Variants in TMEM232 observed in about 807,000 individuals in gnomAD.
TMEM232 encodes the protein transmembrane protein 232.
TMEM232 carries 80 observed loss-of-function variants against 78.8 expected under a neutral mutation model. The observed-to-expected ratio is 1.01, with a 90% CI of 0.85 to 1.22. The LOEUF (loss-of-function observed/expected upper bound fraction) is 1.22. TMEM232 is among the 50% of genes most tolerant of loss of function. The probability of loss-of-function intolerance (pLI) is 0.00; values close to 1 mark genes in which losing one functional copy is unlikely to be tolerated. For missense variants in TMEM232, 881 were observed against 742.2 expected (o/e 1.19, Z -2.17); for synonymous variants, 297 against 254.3 (o/e 1.17, Z -1.60).
At chr5:110,423,686 T>C (rs1756917854) in intron 13 of TMEM232, among the ~76,000 whole-genome samples, 1 of 152,000 alleles carries the variant, frequency 6.6e-6, no homozygotes, top group African/African-American at 2.4e-5. Context: ...AGATGATGGA[T>C]GGTTGTTAGG....
chr5:110,413,787 C>A (rs1756084910), intron 2 of TMEM232, among the ~76,000 whole-genome samples: 1 of 151,972 alleles, frequency 6.6e-6, no homozygotes, highest in South Asian at 2.1e-4. Flanking sequence ...ATTAAGGGAG[C>A]CAAAGGTAAG....
At chr5:110,395,330 C>T (rs560583654) in intron 3 of TMEM232, among the ~76,000 whole-genome samples, 3 of 152,276 alleles carry the variant, frequency 2.0e-5, no homozygotes, top group Non-Finnish European at 4.4e-5. Context: ...TCTGTGTGAA[C>T]AGAAAAGTCT....
At chr5:110,466,201 T>C (rs566865539) in intron 12 of TMEM232, among the ~76,000 whole-genome samples, 64 of 152,284 alleles carry the variant, frequency 4.2e-4, no homozygotes, top group Non-Finnish European at 7.4e-4. Context: ...AAGAAAGTGA[T>C]ATCACCACAG....
At chr5:110,708,093 G>A (rs1220592671) in intron 1 of TMEM232, among the ~76,000 whole-genome samples, 2 of 152,094 alleles carry the variant, frequency 1.3e-5, no homozygotes, top group Admixed American at 6.6e-5. Flanking sequence ...TTGCAGTTAT[G>A]GTGGCTACAG....
intron 11 of TMEM232, among the ~76,000 whole-genome samples, chr5:110,533,299 C>G (rs191916174): frequency 6.6e-6 from 1 of 152,280 alleles, no homozygotes; most frequent in African/African-American, 2.4e-5. Flanking sequence ...AGCACACATG[C>G]TCTCCCTGCT....
At chr5:110,444,176 G>A (rs1052834265) in intron 12 of TMEM232, among the ~76,000 whole-genome samples, 4 of 152,118 alleles carry the variant, frequency 2.6e-5, no homozygotes, top group Admixed American at 2.0e-4. Flanking sequence ...TGTAGTCCTT[G>A]TGTCCTAGAC....
intron 12 of TMEM232, among the ~76,000 whole-genome samples, chr5:110,497,021 T>C (rs1580936379): frequency 6.6e-6 from 1 of 152,016 alleles, no homozygotes; most frequent in African/African-American, 2.4e-5. Flanking sequence ...GACTGATCAA[T>C]AGTAAATCAA....
intron 11 of TMEM232, among the ~76,000 whole-genome samples, chr5:110,535,825 G>T (rs1772265152): frequency 6.6e-6 from 1 of 152,146 alleles, no homozygotes; most frequent in Non-Finnish European, 1.5e-5. Flanking sequence ...GGAGAATAGG[G>T]TCTGGAGAAA....
chr5:110,611,926 G>A (rs1782340020), intron 8 of TMEM232, among the ~76,000 whole-genome samples: 1 of 152,134 alleles, frequency 6.6e-6, no homozygotes, highest in Admixed American at 6.6e-5. Context: ...GAATTGGATG[G>A]AGAAAGTGAG....
At chr5:110,648,116 C>G (rs909992368) in intron 2 of TMEM232, among the ~76,000 whole-genome samples, 5 of 151,824 alleles carry the variant, frequency 3.3e-5, no homozygotes, top group Admixed American at 3.3e-4. Context: ...AAAGGGAAGT[C>G]ACAAAGGAAG....
intron 10 of TMEM232, 72 bp from the exon 11 acceptor site, chr5:110,568,697 G>A: frequency 7.3e-7 from 1 of 1,371,560 alleles, no homozygotes; most frequent in Non-Finnish European, 9.7e-7. Flanking sequence ...GTGTGAAACA[G>A]AATAAACCAA....
intron 1 of TMEM232, among the ~76,000 whole-genome samples, chr5:110,702,271 C>T (rs1006498815): frequency 6.6e-6 from 1 of 151,988 alleles, no homozygotes; most frequent in African/African-American, 2.4e-5. Flanking sequence ...GGGTTCTAAC[C>T]CAAAACCATG....
At chr5:110,618,249 A>G (rs1783190661) in intron 8 of TMEM232, among the ~76,000 whole-genome samples, 180 bp downstream of exon 8, 1 of 152,184 alleles carries the variant, frequency 6.6e-6, no homozygotes, top group Non-Finnish European at 1.5e-5. Flanking sequence ...GAGAGAAACG[A>G]TGTATTGATG....
At chr5:110,673,727 G>C (rs959721448) in intron 1 of TMEM232, among the ~76,000 whole-genome samples, 1 of 152,168 alleles carries the variant, frequency 6.6e-6, no homozygotes, top group Non-Finnish European at 1.5e-5. Flanking sequence ...AGTTTTCGTG[G>C]ATGGAAGCAG....
Position 110,542,849 on chromosome 5 carries a change from T to C in TMEM232, c.1456-14014A>G, listed in dbSNP as rs903046495. On this transcript the variant is annotated intron_variant, in intron 11 of 13. Coordinates refer to ENST00000455884, the MANE Select transcript of TMEM232 (RefSeq NM_001039763.4). ...ATGAAAAATTGAAAGTACCTCTGAT[T>C]TGTCCCCTCCCACAACCAATCAGAC... Among the ~76,000 whole-genome samples, 3 of 152,076 alleles carry C rather than the reference T, an allele frequency of 2.0e-5. No homozygotes were observed. The South Asian group carries it at 6.2e-4, about 32-fold the overall frequency.
chr5:110,724,865 A>G (rs998149824), intron 1 of TMEM232, among the ~76,000 whole-genome samples: 5 of 151,766 alleles, frequency 3.3e-5, no homozygotes, highest in African/African-American at 1.2e-4. Flanking sequence ...TGGTTTCAAC[A>G]AAAAAACTTG....
At chr5:110,458,741 TA>T (rs1761163894) in intron 12 of TMEM232, among the ~76,000 whole-genome samples, 1 of 152,214 alleles carries the variant, frequency 6.6e-6, no homozygotes, top group East Asian at 1.9e-4. Flanking sequence ...TTTTTAAGCT[TA>T]AAAAATATTT....
intron 8 of TMEM232, chr5:110,610,702 G>A: frequency 5.7e-6 from 2 of 351,682 alleles, no homozygotes; most frequent in East Asian, 7.6e-5. Context: ...AAAAACAAGA[G>A]GACTGACGAC....
intron 1 of TMEM232, among the ~76,000 whole-genome samples, chr5:110,700,770 GTAGA>G (rs58050519): frequency 0.076 from 9,937 of 130,878 alleles, 376 homozygotes; most frequent in South Asian, 0.11. Context: ...AGGTAGGTAG[GTAGA>G]TAGATAGATA....
Sources: gnomAD v4.1 joint callset for allele counts (sites outside exome capture counted in the v4.1 genomes callset) on GRCh38, gnomAD v4.1.1 for gene constraint, MANE v1.5 for transcripts, NCBI Gene and HGNC (gene_info 2026-07-23, HGNC 2026-07-21) for gene names.